PAX3: variants seen among roughly 807,000 people sequenced by gnomAD.
The protein encoded by PAX3 is paired box protein Pax-3.
A neutral mutation model predicts 51.6 loss-of-function variants in PAX3; 14 were observed. The observed-to-expected ratio is 0.27, with a 90% CI of 0.18 to 0.42. The LOEUF is 0.42. Ranked by LOEUF, PAX3 falls within the 10% of genes least tolerant of loss-of-function variation. The probability of loss-of-function intolerance (pLI) is 1.00; values close to 1 mark genes in which losing one functional copy is unlikely to be tolerated. For synonymous variants in PAX3, 280 were observed against 253.4 expected (o/e 1.11, Z -1.00); for missense variants, 540 against 642.8 (o/e 0.84, Z 1.73).
chr2:222,200,534 T>C lies in PAX3; in HGVS notation c.*874A>G. On this transcript the variant is annotated 3_prime_UTR_variant, in exon 9 of 9. Coordinates refer to ENST00000392070, the MANE Select transcript of PAX3 (RefSeq NM_181458.4). ...TACTTCTGATTTTGCTTATATCGCC[T>C]TGGGCATTGCCAAAGCATCCATGAG... is the stretch of plus-strand genomic sequence containing the variant. 4.3e-6 allele frequency: 1 copy of C among 231,544 alleles called. No individual in the cohort carries two copies. The highest frequency in any genetic ancestry group is 8.6e-6 in the Non-Finnish European group (1 of 116,838). The allele number at this position is 231,544 out of a possible 1,614,324, so 14.3% of individuals were successfully genotyped here. A position where few individuals can be genotyped will look rare whatever the true frequency, so the allele number is the denominator to read the frequency against.
intron 4 of PAX3, among the ~76,000 whole-genome samples, chr2:222,255,385 C>A (rs1693600286): frequency 1.3e-5 from 2 of 152,328 alleles, no homozygotes; most frequent in African/African-American, 4.8e-5. Context: ...TCATGCAAAT[C>A]ATCTACCAGC....
chr2:222,253,440 A>C (rs1348055276), intron 4 of PAX3, among the ~76,000 whole-genome samples: 1 of 152,150 alleles, frequency 6.6e-6, no homozygotes, highest in Admixed American at 6.5e-5. Flanking sequence ...AGCATCCAAA[A>C]CTTCATGCAA....
At chr2:222,222,584 A>G (rs1006544447) in intron 5 of PAX3, among the ~76,000 whole-genome samples, 4 of 152,092 alleles carry the variant, frequency 2.6e-5, no homozygotes, top group African/African-American at 9.7e-5. Flanking sequence ...TTGTATTCTT[A>G]GTAGAGACGG....
chr2:222,265,903 A>T (rs751122245), intron 4 of PAX3, among the ~76,000 whole-genome samples: 31 of 152,212 alleles, frequency 2.0e-4, no homozygotes, highest in Admixed American at 1.4e-3. Flanking sequence ...CAGCAAAATG[A>T]CCAAACTCCT....
chr2:222,209,912 A>T (rs1460811731), intron 7 of PAX3, among the ~76,000 whole-genome samples: 1 of 151,782 alleles, frequency 6.6e-6, no homozygotes, highest in African/African-American at 2.4e-5. Context: ...AATTTAATCA[A>T]ATTAATGGAA....
chr2:222,267,045 T>A (rs939913694), intron 4 of PAX3, among the ~76,000 whole-genome samples: 13 of 152,208 alleles, frequency 8.5e-5, no homozygotes, highest in Non-Finnish European at 1.6e-4. Flanking sequence ...GATAAATTTA[T>A]TCACAGCCAC....
intron 7 of PAX3, among the ~76,000 whole-genome samples, chr2:222,205,173 C>CTCAAAGATAA (rs1182349605): frequency 6.6e-6 from 1 of 152,100 alleles, no homozygotes; most frequent in African/African-American, 2.4e-5. Context: ...ACTCTTAAGA[C>CTCAAAGATAA]CTTGAAGTAT....
In PAX3 at chr2:222,212,744, G is replaced by A. The variant is rs905832180; in HGVS notation, c.1173+7396C>T. On this transcript the variant is annotated intron_variant, in intron 7 of 8. Transcript: ENST00000392070. ...ATCCCCTAATTGAATAAATATGCAA[G>A]TATTCAGATTTCTGAAGATATTGCC... 7.2e-5 allele frequency among the ~76,000 whole-genome samples: 11 copies of A among 152,136 alleles called. No homozygotes were observed. In the East Asian group the frequency reaches 1.9e-3, roughly 27 times the overall value.
intron 4 of PAX3, among the ~76,000 whole-genome samples, chr2:222,233,952 A>C (rs947317343): frequency 6.6e-6 from 1 of 152,178 alleles, no homozygotes. Flanking sequence ...GAATATGTGT[A>C]AGTCCTTTAC....
At chr2:222,286,439 A>G (rs911140845) in intron 4 of PAX3, among the ~76,000 whole-genome samples, 3 of 152,258 alleles carry the variant, frequency 2.0e-5, no homozygotes, top group Non-Finnish European at 4.4e-5. Context: ...ATAGTTGCCT[A>G]TCTTGAGTTC....
intron 5 of PAX3, among the ~76,000 whole-genome samples, chr2:222,225,811 C>A (rs1040025827): frequency 6.6e-6 from 1 of 152,220 alleles, no homozygotes; most frequent in Admixed American, 6.5e-5. Flanking sequence ...AAGTCTCACA[C>A]TGACACTTCT....
At chr2:222,211,690 C>A (rs1229926344) in intron 7 of PAX3, among the ~76,000 whole-genome samples, 1 of 152,086 alleles carries the variant, frequency 6.6e-6, no homozygotes, top group African/African-American at 2.4e-5. Context: ...TAGGTACATC[C>A]CAGGAAATGT....
At chr2:222,277,723 C>G (rs1694473716) in intron 4 of PAX3, among the ~76,000 whole-genome samples, 1 of 152,120 alleles carries the variant, frequency 6.6e-6, no homozygotes, top group Non-Finnish European at 1.5e-5. Context: ...ATCACGAGGT[C>G]AAGAGACCGA....
intron 4 of PAX3, among the ~76,000 whole-genome samples, chr2:222,235,300 C>T (rs1692759052): frequency 6.6e-6 from 1 of 152,098 alleles, no homozygotes; most frequent in Admixed American, 6.6e-5. Flanking sequence ...CTGCTGGAAC[C>T]CTTAGAACAC....
Position 222,201,302 on chromosome 2 carries a change from C to A in PAX3, c.*106G>T. ...TCCTATTGGGACCACTGCCCCACCCCCCCCAACAAAAGGGTAATTTTTTTT... is the reference window on the plus strand; with the variant it reads ...TCCTATTGGGACCACTGCCCCACCCACCCCAACAAAAGGGTAATTTTTTTT... On this transcript the variant is annotated 3_prime_UTR_variant, in exon 9 of 9. Coordinates refer to ENST00000392070, the MANE Select transcript of PAX3 (RefSeq NM_181458.4). 1 of 1,612,090 alleles carries A rather than the reference C, an allele frequency of 6.2e-7. No individual in the cohort carries two copies. Among genetic ancestry groups the A allele is most frequent in the South Asian group, 1.1e-5 (1 of 91,014 alleles).
intron 4 of PAX3, among the ~76,000 whole-genome samples, chr2:222,245,529 G>C (rs1201941451): frequency 1.3e-5 from 2 of 152,206 alleles, no homozygotes; most frequent in Admixed American, 1.3e-4. Flanking sequence ...TGAATTATTG[G>C]ACAACTGCCT....
At chr2:222,295,703 C>T in intron 2 of PAX3, 46 bp from the exon 3 acceptor site, 1 of 1,612,422 alleles carries the variant, frequency 6.2e-7, no homozygotes, top group Non-Finnish European at 8.5e-7. Flanking sequence ...GTACCCTGGG[C>T]CAGGTGGCGG....
intron 4 of PAX3, chr2:222,262,546 T>C (rs985991429): frequency 6.6e-6 from 1 of 151,998 alleles, no homozygotes; most frequent in Non-Finnish European, 1.5e-5. Flanking sequence ...CTTTGATTTC[T>C]AAAACTCTTT....
intron 4 of PAX3, among the ~76,000 whole-genome samples, chr2:222,268,091 A>C: frequency 6.6e-6 from 1 of 152,212 alleles, no homozygotes; most frequent in East Asian, 1.9e-4. Context: ...TGTCCCTCCA[A>C]ACAAAACCTG....
Sources: gnomAD v4.1 joint callset for allele counts (sites outside exome capture counted in the v4.1 genomes callset) on GRCh38, gnomAD v4.1.1 for gene constraint, MANE v1.5 for transcripts, NCBI Gene and HGNC (gene_info 2026-07-23, HGNC 2026-07-21) for gene names.